The following RAI14 variants were observed in gnomAD, a reference collection of about 807,000 sequenced individuals.
RAI14 encodes ankycorbin.
Under a neutral mutation model 115.4 loss-of-function variants are expected in RAI14, and 45 were observed. That is an observed-to-expected ratio of 0.39 (90% CI 0.31 to 0.50). The LOEUF is 0.50. RAI14 is among the 20% of genes least tolerant of loss of function. The pLI is 0.85. For missense variants in RAI14, 939 were observed against 1,131.2 expected (o/e 0.83, Z 2.44); for synonymous variants, 371 against 415.4 (o/e 0.89, Z 1.30).
chr5:34,717,583 G>A (rs1260960267), intron 2 of RAI14, among the ~76,000 whole-genome samples: 1 of 152,144 alleles, frequency 6.6e-6, no homozygotes, highest in Non-Finnish European at 1.5e-5. Context: ...AAGGTAAGAC[G>A]TGTAGTCCCT....
intron 1 of RAI14, among the ~76,000 whole-genome samples, chr5:34,667,993 G>A (rs747989180): frequency 6.6e-6 from 1 of 152,170 alleles, no homozygotes; most frequent in Non-Finnish European, 1.5e-5. Context: ...TTCTGTTGCC[G>A]AGACAGGAGA....
intron 17 of RAI14, 80 bp from the exon 18 acceptor site, chr5:34,830,608 C>A: frequency 6.3e-7 from 1 of 1,597,716 alleles, no homozygotes; most frequent in South Asian, 1.1e-5. Context: ...TCATTGCAGT[C>A]AGCCATCTCA....
At chr5:34,691,363 C>T (rs1738577214) in intron 2 of RAI14, among the ~76,000 whole-genome samples, 1 of 152,140 alleles carries the variant, frequency 6.6e-6, no homozygotes, top group Non-Finnish European at 1.5e-5. Flanking sequence ...GACTTTTATG[C>T]TTATTAAGCG....
At chr5:34,824,662 G>A (rs946511254) in intron 15 of RAI14, among the ~76,000 whole-genome samples, 171 bp downstream of exon 15, 22 of 152,246 alleles carry the variant, frequency 1.4e-4, no homozygotes, top group African/African-American at 4.1e-4. Context: ...TTGTTGGGTC[G>A]GCCGGACGTG....
chr5:34,826,125 T>C (rs1757415823), intron 15 of RAI14: 6 of 392,168 alleles, frequency 1.5e-5, no homozygotes, highest in African/African-American at 1.2e-4. Context: ...ACCTAATGGA[T>C]GTAGCGGGCT....
At chr5:34,779,789 A>G (rs1033165917) in intron 3 of RAI14, among the ~76,000 whole-genome samples, 2 of 152,214 alleles carry the variant, frequency 1.3e-5, no homozygotes, top group Admixed American at 1.3e-4. Flanking sequence ...AAATGGCCAT[A>G]CTGCCCAAGG....
chr5:34,774,198 A>C (rs1750547640), intron 3 of RAI14, among the ~76,000 whole-genome samples: 2 of 151,786 alleles, frequency 1.3e-5, no homozygotes. Flanking sequence ...ACTTAAAAAA[A>C]AAAAAAATAG....
chr5:34,701,617 C>A (rs954637724), intron 2 of RAI14, among the ~76,000 whole-genome samples: 1 of 152,146 alleles, frequency 6.6e-6, no homozygotes. Flanking sequence ...GCCCGCCTTA[C>A]AGTTGTCAAA....
At chr5:34,807,219 AGAG>A (rs1755009569) in intron 5 of RAI14, among the ~76,000 whole-genome samples, 1 of 152,150 alleles carries the variant, frequency 6.6e-6, no homozygotes, top group Non-Finnish European at 1.5e-5. Context: ...CTGTTTGGCT[AGAG>A]GAGGAGCCGC....
At chr5:34,756,308 C>T (rs576177524) in intron 2 of RAI14, among the ~76,000 whole-genome samples, 84 of 152,260 alleles carry the variant, frequency 5.5e-4, no homozygotes, top group Admixed American at 7.8e-4. Context: ...ACAATATCTC[C>T]TCTGTCTGCT....
At chr5:34,720,675 G>A (rs1186286313) in intron 2 of RAI14, among the ~76,000 whole-genome samples, 1 of 151,986 alleles carries the variant, frequency 6.6e-6, no homozygotes, top group Non-Finnish European at 1.5e-5. Context: ...CTCCCAAAGT[G>A]CTGGGATTAC....
chr5:34,797,014 G>A (rs1035252399), intron 4 of RAI14, among the ~76,000 whole-genome samples: 5 of 152,126 alleles, frequency 3.3e-5, no homozygotes, highest in African/African-American at 7.2e-5. Flanking sequence ...AAAAGGTAGC[G>A]TAGTCTTACC....
At chr5:34,666,942 C>T (rs374846270) in intron 1 of RAI14, among the ~76,000 whole-genome samples, 1 of 152,070 alleles carries the variant, frequency 6.6e-6, no homozygotes, top group Non-Finnish European at 1.5e-5. Flanking sequence ...TAGATATGGT[C>T]GCAATCTGCC....
At chr5:34,807,370 C>T (rs556577016) in intron 5 of RAI14, among the ~76,000 whole-genome samples, 89 of 152,118 alleles carry the variant, frequency 5.9e-4, no homozygotes, top group Non-Finnish European at 1.1e-3. Flanking sequence ...TCCTTGGACT[C>T]GAGAGGGGAC....
intron 13 of RAI14, 52 bp downstream of exon 13, chr5:34,818,903 T>C: frequency 2.6e-6 from 4 of 1,522,040 alleles, no homozygotes; most frequent in Non-Finnish European, 3.6e-6. Flanking sequence ...AACTATTTCA[T>C]GTCCATTTAA....
At chr5:34,775,965 A>T (rs150625749) in intron 3 of RAI14, among the ~76,000 whole-genome samples, 1 of 152,278 alleles carries the variant, frequency 6.6e-6, no homozygotes, top group South Asian at 2.1e-4. Flanking sequence ...AGATATCTGC[A>T]CTCTCATGTT....
intron 2 of RAI14, among the ~76,000 whole-genome samples, chr5:34,709,306 G>A (rs979654036): frequency 2.0e-5 from 3 of 152,046 alleles, no homozygotes; most frequent in Non-Finnish European, 4.4e-5. Context: ...AAATTAGCTG[G>A]GCATGGTGGC....
chr5:34,820,875 A>T (rs1561082270), intron 13 of RAI14, among the ~76,000 whole-genome samples: 1 of 152,178 alleles, frequency 6.6e-6, no homozygotes, highest in Non-Finnish European at 1.5e-5. Flanking sequence ...CAGAGAAGAG[A>T]AGATAGTTTC....
chr5:34,720,400 G>A (rs1377455583), intron 2 of RAI14, among the ~76,000 whole-genome samples: 1 of 129,274 alleles, frequency 7.7e-6, no homozygotes, highest in African/African-American at 2.9e-5. Flanking sequence ...CCCTGTCTCA[G>A]ATTTTTTTTT....
Sources: gnomAD v4.1 joint callset for allele counts (sites outside exome capture counted in the v4.1 genomes callset) on GRCh38, gnomAD v4.1.1 for gene constraint, MANE v1.5 for transcripts, NCBI Gene and HGNC (gene_info 2026-07-23, HGNC 2026-07-21) for gene names.